Variants in SGCZ observed in about 807,000 individuals in gnomAD.
The protein encoded by SGCZ is sarcoglycan zeta, also known as zeta-sarcoglycan.
Under a neutral mutation model 41.3 loss-of-function variants are expected in SGCZ, and 40 were observed. The ratio of observed to expected loss-of-function variants is 0.97; its 90% CI spans 0.75 to 1.26. The LOEUF is 1.26. Among genes scored for constraint, SGCZ ranks in the 50% most tolerant of loss-of-function variants. The pLI, the probability that SGCZ is intolerant of heterozygous loss-of-function variation, is 0.00. For synonymous variants in SGCZ, 206 were observed against 137.5 expected, an observed-to-expected ratio of 1.50 and a Z score of -3.49; for missense variants, 552 against 369.8, an observed-to-expected ratio of 1.49 and a Z score of -4.04.
At chr8:15,029,921 A>G (rs907505836) in intron 1 of SGCZ, among the ~76,000 whole-genome samples, 32 of 152,136 alleles carry the variant, frequency 2.1e-4, no homozygotes, top group Non-Finnish European at 2.9e-5. Flanking sequence ...AGTGATCTGA[A>G]ATGGAATGTG....
intron 2 of SGCZ, among the ~76,000 whole-genome samples, chr8:14,479,731 CTTTT>C (rs529812029): frequency 7.6e-5 from 4 of 52,976 alleles, no homozygotes; most frequent in African/African-American, 1.5e-4. Context: ...AATTCTACTT[CTTTT>C]TTTTTTTTTT....
intron 1 of SGCZ, among the ~76,000 whole-genome samples, chr8:14,696,234 CTG>C (rs1808957973): frequency 6.6e-6 from 1 of 152,086 alleles, no homozygotes; most frequent in African/African-American, 2.4e-5. Flanking sequence ...CTCCTCTAAA[CTG>C]TGTGATTTAA....
intron 3 of SGCZ, among the ~76,000 whole-genome samples, chr8:14,305,537 AAATTT>A (rs1801322367): frequency 6.6e-6 from 1 of 152,200 alleles, no homozygotes; most frequent in Non-Finnish European, 1.5e-5. Flanking sequence ...TAATCTTATT[AAATTT>A]AACTAACAAA....
At chr8:15,164,822 C>G (rs992622829) in intron 1 of SGCZ, among the ~76,000 whole-genome samples, 1 of 152,070 alleles carries the variant, frequency 6.6e-6, no homozygotes, top group Non-Finnish European at 1.5e-5. Flanking sequence ...TGTTTTACAT[C>G]TTGCGGGTAT....
chr8:15,009,095 T>C (rs933488063), intron 1 of SGCZ, among the ~76,000 whole-genome samples: 2 of 152,202 alleles, frequency 1.3e-5, no homozygotes, highest in South Asian at 4.1e-4. Flanking sequence ...TATTAATTTG[T>C]TCTCACACTG....
At chr8:14,753,912 A>G (rs117497141) in intron 1 of SGCZ, among the ~76,000 whole-genome samples, 2,237 of 152,328 alleles carry the variant, frequency 0.015, 45 homozygotes, top group South Asian at 0.076. Context: ...GCAAAACTGT[A>G]CTGCCTTTGC....
At chr8:14,478,011 A>T (rs1801409898) in intron 2 of SGCZ, among the ~76,000 whole-genome samples, 1 of 152,244 alleles carries the variant, frequency 6.6e-6, no homozygotes, top group African/African-American at 2.4e-5. Flanking sequence ...AATAATTATG[A>T]AGAAGGAACC....
chr8:14,599,809 T>C (rs758828004), intron 1 of SGCZ, among the ~76,000 whole-genome samples: 2 of 152,218 alleles, frequency 1.3e-5, no homozygotes, highest in Non-Finnish European at 2.9e-5. Context: ...GAGAATCTCC[T>C]AGCATTTTAT....
intron 2 of SGCZ, among the ~76,000 whole-genome samples, chr8:14,504,227 T>G (rs1368823260): frequency 6.6e-6 from 1 of 152,242 alleles, no homozygotes; most frequent in African/African-American, 2.4e-5. Flanking sequence ...TTCAGATTGC[T>G]TTGGTTGTGC....
At position 14,877,156 on chromosome 8, in the gene SGCZ, T is replaced by C. The variant is rs181398805; in HGVS notation, c.40-322230A>G. Among the ~76,000 whole-genome samples, 294 of 152,148 alleles carry C rather than the reference T, an allele frequency of 1.9e-3. 1 individual carries two copies. Among genetic ancestry groups the C allele is most frequent in the African/African-American group, 6.6e-3 (274 of 41,532 alleles). On this transcript the variant is annotated intron_variant, in intron 1 of 7. Transcript: ENST00000382080. ...GCCCAGCTAACTTTTGATATTTTAG[T>C]AGAGACAGGGCTTCACCATGTTGGC...
intron 1 of SGCZ, among the ~76,000 whole-genome samples, chr8:14,671,222 G>A (rs1331317953): frequency 6.6e-6 from 1 of 152,172 alleles, no homozygotes; most frequent in East Asian, 1.9e-4. Flanking sequence ...GGAGTCTGAT[G>A]GTTCTCGCAG....
intron 1 of SGCZ, among the ~76,000 whole-genome samples, chr8:15,224,667 T>C (rs1000891324): frequency 2.6e-5 from 4 of 152,190 alleles, no homozygotes; most frequent in African/African-American, 4.8e-5. Flanking sequence ...AAAATCTAAC[T>C]ATATGCTGCT....
intron 1 of SGCZ, among the ~76,000 whole-genome samples, chr8:15,014,611 C>T (rs1239042484): frequency 6.6e-6 from 1 of 152,164 alleles, no homozygotes; most frequent in Non-Finnish European, 1.5e-5. Flanking sequence ...GATCAGGTAT[C>T]CATAGCATTT....
chr8:14,684,445 C>T (rs1411801686), intron 1 of SGCZ, among the ~76,000 whole-genome samples: 4 of 152,134 alleles, frequency 2.6e-5, no homozygotes, highest in Admixed American at 2.0e-4. Context: ...TTTGGCTTCT[C>T]TGTTACTGAC....
chr8:14,510,809 T>C (rs1357964707), intron 2 of SGCZ, among the ~76,000 whole-genome samples: 1 of 152,120 alleles, frequency 6.6e-6, no homozygotes, highest in East Asian at 1.9e-4. Flanking sequence ...GAGAGGTATG[T>C]AAATAAAAAG....
At chr8:14,789,428 A>G (rs1563270598) in intron 1 of SGCZ, among the ~76,000 whole-genome samples, 1 of 152,224 alleles carries the variant, frequency 6.6e-6, no homozygotes. Context: ...TGTGTTTCAA[A>G]TAAATTTCAG....
intron 1 of SGCZ, among the ~76,000 whole-genome samples, chr8:15,000,423 A>G (rs1430723219): frequency 1.3e-5 from 2 of 152,212 alleles, no homozygotes; most frequent in Non-Finnish European, 2.9e-5. Flanking sequence ...GGGTTATGCG[A>G]GTCCTACATA....
intron 4 of SGCZ, among the ~76,000 whole-genome samples, chr8:14,228,658 G>A (rs1460456122): frequency 6.6e-6 from 1 of 152,040 alleles, no homozygotes; most frequent in Non-Finnish European, 1.5e-5. Flanking sequence ...GATGGGGGCG[G>A]CCTAAGTAGT....
chr8:15,162,070 G>C (rs1330777779), intron 1 of SGCZ, among the ~76,000 whole-genome samples: 1 of 152,142 alleles, frequency 6.6e-6, no homozygotes, highest in Admixed American at 6.5e-5. Flanking sequence ...ACTGTAAACA[G>C]AATCAGTTTC....
Sources: allele counts gnomAD v4.1 joint callset (sites outside exome capture counted in the v4.1 genomes callset), GRCh38; gene constraint gnomAD v4.1.1; transcripts MANE v1.5; gene names NCBI Gene and HGNC (gene_info 2026-07-23, HGNC 2026-07-21).